SLCO3A1: variants seen among roughly 807,000 people sequenced by gnomAD.
SLCO3A1 encodes the protein PGE1 transporter.
In SLCO3A1, 27 loss-of-function variants were observed where a neutral mutation model predicts 63.1. The observed-to-expected ratio is 0.43, with a 90% CI of 0.32 to 0.59. The LOEUF is 0.59. Ranked by LOEUF, SLCO3A1 falls within the 20% of genes least tolerant of loss-of-function variation. The pLI is 0.09. For missense variants in SLCO3A1, 773 were observed against 945.8 expected (o/e 0.82, Z 2.40); for synonymous variants, 473 against 409.9 (o/e 1.15, Z -1.86).
At position 92,033,555 on chromosome 15, in the gene SLCO3A1, C is replaced by T. The variant is rs1007274333; in HGVS notation, c.647-61326C>T. Reference sequence around the variant, plus strand: ...CTTCCAGCTGGGACTGGCATGTGTTCGTTCAGCCCGAGCTTCCACAGCACA... The same window carrying T: ...CTTCCAGCTGGGACTGGCATGTGTTTGTTCAGCCCGAGCTTCCACAGCACA... On this transcript the variant is annotated intron_variant, in intron 2 of 9. Transcript: ENST00000318445. The surrounding 1 kb of genome is among the most constrained non-coding windows in gnomAD (Gnocchi z 4.5). Among the ~76,000 whole-genome samples the T allele has an allele frequency of 6.6e-6, 1 of 152,154 alleles. No individual in the cohort carries two copies. Among genetic ancestry groups the T allele is most frequent in the Non-Finnish European group, 1.5e-5 (1 of 68,024 alleles).
chr15:92,023,344 C>T (rs976018221), intron 2 of SLCO3A1, among the ~76,000 whole-genome samples: 3 of 152,160 alleles, frequency 2.0e-5, no homozygotes, highest in Non-Finnish European at 4.4e-5. Flanking sequence ...GTCATATTTT[C>T]AAGACTATGG....
At chr15:92,102,402 A>G (rs1167372700) in intron 3 of SLCO3A1, among the ~76,000 whole-genome samples, 1 of 152,140 alleles carries the variant, frequency 6.6e-6, no homozygotes, top group Non-Finnish European at 1.5e-5. Flanking sequence ...GAATAACAAG[A>G]TCTCTCTCTA....
At chr15:92,008,327 C>T (rs887262920) in intron 2 of SLCO3A1, among the ~76,000 whole-genome samples, 9 of 152,170 alleles carry the variant, frequency 5.9e-5, no homozygotes, top group Admixed American at 1.3e-4. Flanking sequence ...ATCCCCCTTT[C>T]GCCGCCAGGT....
chr15:91,989,035 C>T (rs949409336), intron 2 of SLCO3A1, among the ~76,000 whole-genome samples: 1 of 152,136 alleles, frequency 6.6e-6, no homozygotes, highest in South Asian at 2.1e-4. Context: ...TTAGGCTCTC[C>T]GTAACCTGAC....
chr15:91,896,864 T>G (rs1379101361), intron 1 of SLCO3A1, among the ~76,000 whole-genome samples: 1 of 152,218 alleles, frequency 6.6e-6, no homozygotes, highest in Non-Finnish European at 1.5e-5. Flanking sequence ...ACATGCTGTA[T>G]CTTGTAAGAA....
intron 2 of SLCO3A1, among the ~76,000 whole-genome samples, chr15:91,952,037 C>T (rs1162002894): frequency 1.3e-5 from 2 of 152,112 alleles, no homozygotes; most frequent in Non-Finnish European, 2.9e-5. Context: ...ACAGCCTCGC[C>T]AACACTTATT....
At chr15:91,871,456 T>C (rs1408893901) in intron 1 of SLCO3A1, among the ~76,000 whole-genome samples, 1 of 152,178 alleles carries the variant, frequency 6.6e-6, no homozygotes, top group African/African-American at 2.4e-5. Context: ...AGAGTCTTCA[T>C]TCCTTGCAGC....
intron 3 of SLCO3A1, among the ~76,000 whole-genome samples, chr15:92,103,272 T>C (rs2047627915): frequency 6.6e-6 from 1 of 152,124 alleles, no homozygotes; most frequent in Non-Finnish European, 1.5e-5. Flanking sequence ...TGGTTTATTA[T>C]CAAAGAGACA....
At chr15:92,055,808 CA>C (rs2047014558) in intron 2 of SLCO3A1, among the ~76,000 whole-genome samples, 1 of 152,166 alleles carries the variant, frequency 6.6e-6, no homozygotes, top group Admixed American at 6.5e-5. Flanking sequence ...TGAGATTCAC[CA>C]TCTATCAGTT....
At chr15:91,925,944 G>A (rs1414522424) in intron 2 of SLCO3A1, among the ~76,000 whole-genome samples, 2 of 152,132 alleles carry the variant, frequency 1.3e-5, no homozygotes, top group Admixed American at 1.3e-4. Context: ...GCCTCATCAG[G>A]CTTGAGTGCC....
At position 91,872,559 on chromosome 15, in the gene SLCO3A1, A is replaced by G. The variant is rs1278405459; in HGVS notation, c.180+18471A>G. On this transcript the variant is annotated intron_variant, in intron 1 of 9. Transcript: ENST00000318445. The surrounding 1 kb of genome is among the most constrained non-coding windows in gnomAD (Gnocchi z 4.1). ...AAAAAAAAAAAGAAAAGAAAAAAGA[A>G]GAAAGAAAGAACGTGCCCAAGCCCA... 6.6e-6 allele frequency among the ~76,000 whole-genome samples: 1 copy of G among 152,144 alleles called. No individual in the cohort carries two copies. Among genetic ancestry groups the G allele is most frequent in the Non-Finnish European group, 1.5e-5 (1 of 68,022 alleles).
chr15:92,042,541 G>A (rs1400788), intron 2 of SLCO3A1, among the ~76,000 whole-genome samples: 3,625 of 152,262 alleles, frequency 0.024, 140 homozygotes, highest in African/African-American at 0.081. Context: ...AAATGGCAGA[G>A]TCACCTCCTG....
chr15:91,955,436 A>C (rs998103138), intron 2 of SLCO3A1, among the ~76,000 whole-genome samples: 1 of 151,644 alleles, frequency 6.6e-6, no homozygotes, highest in Non-Finnish European at 1.5e-5. Flanking sequence ...GGGTTCAACC[A>C]GTTCTCCTGT....
chr15:91,989,159 T>C (rs1301015602), intron 2 of SLCO3A1, among the ~76,000 whole-genome samples: 1 of 152,176 alleles, frequency 6.6e-6, no homozygotes, highest in Non-Finnish European at 1.5e-5. Flanking sequence ...CGCATAAGTG[T>C]CCTCTATTAA....
chr15:92,053,867 G>A (rs905706336), intron 2 of SLCO3A1, among the ~76,000 whole-genome samples: 2 of 151,996 alleles, frequency 1.3e-5, no homozygotes, highest in Non-Finnish European at 2.9e-5. Context: ...TCTCCATTGG[G>A]AAGCTGCCCT....
chr15:91,893,103 C>T lies in SLCO3A1; in HGVS notation c.181-22890C>T, dbSNP rs569015489. 3.2e-3 allele frequency among the ~76,000 whole-genome samples: 491 copies of T among 152,310 alleles called. 3 individuals carry two copies. Among genetic ancestry groups the T allele is most frequent in the African/African-American group, 0.011 (475 of 41,564 alleles). ...GAGCTTTCTGCATTATGGGAAGATG[C>T]CTTATCTCTGCTCTTCTGCAAGGTA... On this transcript the variant is annotated intron_variant, in intron 1 of 9. Transcript: ENST00000318445.
intron 2 of SLCO3A1, among the ~76,000 whole-genome samples, chr15:92,085,088 T>C (rs925999993): frequency 1.3e-5 from 2 of 152,206 alleles, no homozygotes; most frequent in Non-Finnish European, 2.9e-5. Context: ...AGCACACTAC[T>C]TTTCAGATGC....
chr15:92,047,852 A>G (rs1855197940), intron 2 of SLCO3A1, among the ~76,000 whole-genome samples: 1 of 151,130 alleles, frequency 6.6e-6, no homozygotes, highest in South Asian at 2.1e-4. Flanking sequence ...CACCAGCTGC[A>G]GTTTCAGTCC....
At chr15:91,953,767 G>A (rs1834325525) in intron 2 of SLCO3A1, among the ~76,000 whole-genome samples, 1 of 152,102 alleles carries the variant, frequency 6.6e-6, no homozygotes, top group Admixed American at 6.5e-5. Context: ...TCTCAGTGTG[G>A]GTGGGAACAC....
Sources: allele counts gnomAD v4.1 joint callset (sites outside exome capture counted in the v4.1 genomes callset), GRCh38; gene constraint gnomAD v4.1.1; non-coding constraint Gnocchi (gnomAD v3.1); transcripts MANE v1.5; gene names NCBI Gene and HGNC (gene_info 2026-07-23, HGNC 2026-07-21).